TFAP2D: variants seen among roughly 807,000 people sequenced by gnomAD.
The protein encoded by TFAP2D is transcription factor AP-2 delta.
TFAP2D carries 9 observed loss-of-function variants against 43.6 expected under a neutral mutation model. The observed-to-expected ratio is 0.21, with a 90% CI of 0.12 to 0.36. The LOEUF (loss-of-function observed/expected upper bound fraction) is 0.36, where lower values mean the gene tolerates loss of function less well. TFAP2D is among the 10% of genes least tolerant of loss of function. The pLI is 1.00. For synonymous variants in TFAP2D, 256 were observed against 224.9 expected (o/e 1.14, Z -1.24); for missense variants, 513 against 561.4 (o/e 0.91, Z 0.87).
At chr6:50,757,952 G>A (rs115705696) in intron 7 of TFAP2D, among the ~76,000 whole-genome samples, 5 of 149,192 alleles carry the variant, frequency 3.4e-5, no homozygotes, top group African/African-American at 4.9e-5. Flanking sequence ...AGTACATAGC[G>A]AATAGTATGT....
At chr6:50,741,767 G>GAAA (rs112907842) in intron 5 of TFAP2D, among the ~76,000 whole-genome samples, 1 of 132,712 alleles carries the variant, frequency 7.5e-6, no homozygotes, top group African/African-American at 2.8e-5. Flanking sequence ...AAGTAGCTCT[G>GAAA]AAAAAAAAAA....
At position 50,745,070 on chromosome 6, in the gene TFAP2D, T is replaced by C. The variant is rs758978505; in HGVS notation, c.884-37T>C. On this transcript the variant is annotated intron_variant, in intron 5 of 7. Transcript: ENST00000008391. ...AGACACTACTGTTATTAAGGTTGGA[T>C]ACTGGTGAGAAACTCACTTGTGTTA... 4.3e-6 allele frequency: 7 copies of C among 1,610,788 alleles called. No homozygotes were observed. The East Asian group carries it at 1.3e-4, about 31-fold the overall frequency.
At chr6:50,748,831 G>C (rs1769160709) in intron 6 of TFAP2D, among the ~76,000 whole-genome samples, 1 of 151,770 alleles carries the variant, frequency 6.6e-6, no homozygotes, top group South Asian at 2.1e-4. Context: ...TCATCTAAGG[G>C]TGAAACATAG....
At chr6:50,726,453 T>A (rs1049275047) in intron 3 of TFAP2D, among the ~76,000 whole-genome samples, 6 of 152,230 alleles carry the variant, frequency 3.9e-5, no homozygotes, top group African/African-American at 1.4e-4. Context: ...AGATTCCTTG[T>A]GTCCTCATTT....
chr6:50,754,100 C>A (rs1769233937), intron 7 of TFAP2D, among the ~76,000 whole-genome samples: 1 of 151,800 alleles, frequency 6.6e-6, no homozygotes, highest in Non-Finnish European at 1.5e-5. Context: ...TGTAAAACTG[C>A]CTCTGTACCC....
chr6:50,729,462 G>A (rs1183516361), intron 5 of TFAP2D, 150 bp downstream of exon 5: 1 of 609,762 alleles, frequency 1.6e-6, no homozygotes, highest in Non-Finnish European at 2.9e-6. Context: ...TCTTGACAAT[G>A]ATGATTAAAT....
At chr6:50,746,291 C>T (rs992153481) in intron 6 of TFAP2D, among the ~76,000 whole-genome samples, 1 of 151,986 alleles carries the variant, frequency 6.6e-6, no homozygotes. Flanking sequence ...GACTGGAGTA[C>T]AGTGGTGCGA....
chr6:50,728,866 T>C lies in TFAP2D; in HGVS notation c.609T>C (p.Cys203=). The C allele has an allele frequency of 6.2e-7, 1 of 1,613,952 alleles. No individual in the cohort carries two copies. The highest frequency in any genetic ancestry group is 1.3e-5 in the African/African-American group (1 of 75,040). ...TTTTTTTCTCCCAAGGTGGCACCTG[T>C]GTGGTCAACCCCACAGACTTATTTT... ...QGGVIRRGGT[C]VVNPTDLFCS... Residue 203 remains cysteine (C), a synonymous_variant, in exon 4 of 8, where the codon TGT becomes TGC. Transcript: ENST00000008391.
At chr6:50,740,789 T>G (rs1769033035) in intron 5 of TFAP2D, among the ~76,000 whole-genome samples, 1 of 152,196 alleles carries the variant, frequency 6.6e-6, no homozygotes, top group South Asian at 2.1e-4. Context: ...GTCAGGTATA[T>G]TTATTTTTAT....
chr6:50,765,027 C>A (rs2113893990), intron 7 of TFAP2D, among the ~76,000 whole-genome samples: 2 of 152,172 alleles, frequency 1.3e-5, no homozygotes, highest in East Asian at 3.9e-4. Flanking sequence ...TACAGTAGAT[C>A]CCCAGAACTT....
chr6:50,722,736 C>CTGGG (rs1768747897), intron 3 of TFAP2D, among the ~76,000 whole-genome samples: 1 of 151,800 alleles, frequency 6.6e-6, no homozygotes, highest in Non-Finnish European at 1.5e-5. Context: ...GATGAGAAGA[C>CTGGG]CTAGCTTTTC....
At chr6:50,714,874 G>C (rs972401111) in intron 1 of TFAP2D, among the ~76,000 whole-genome samples, 1 of 152,030 alleles carries the variant, frequency 6.6e-6, no homozygotes, top group Admixed American at 6.5e-5. Context: ...CCTATATAGG[G>C]TGGGGGATTT....
At chr6:50,721,344 C>T (rs1255179526) in intron 3 of TFAP2D, among the ~76,000 whole-genome samples, 1 of 152,194 alleles carries the variant, frequency 6.6e-6, no homozygotes, top group Non-Finnish European at 1.5e-5. Flanking sequence ...TGAGTTTATT[C>T]CATTTCCACG....
chr6:50,718,971 T>A (rs1481657848), intron 2 of TFAP2D, 119 bp from the exon 3 acceptor site: 6 of 973,436 alleles, frequency 6.2e-6, no homozygotes, highest in Non-Finnish European at 9.1e-6. Context: ...GCTCAATGCT[T>A]GCTTTCAAAT....
chr6:50,726,312 T>G (rs1271977778), intron 3 of TFAP2D, among the ~76,000 whole-genome samples: 1 of 152,194 alleles, frequency 6.6e-6, no homozygotes, highest in Non-Finnish European at 1.5e-5. Context: ...CACTGAAGAT[T>G]AGTAAAGATA....
chr6:50,763,884 G>A (rs1769403550), intron 7 of TFAP2D, among the ~76,000 whole-genome samples: 1 of 152,106 alleles, frequency 6.6e-6, no homozygotes, highest in Non-Finnish European at 1.5e-5. Context: ...AAACACACGA[G>A]AAGCTTTTTG....
chr6:50,713,806 C>G lies in TFAP2D; in HGVS notation c.-250C>G, dbSNP rs1435857082. 3.5e-6 allele frequency: 2 copies of G among 578,996 alleles called. No individual in the cohort carries two copies. Among genetic ancestry groups the G allele is most frequent in the African/African-American group, 3.8e-5 (2 of 52,676 alleles). 35.9% of individuals were successfully genotyped at this position (578,996 alleles called of 1,614,324 possible). On this transcript the variant is annotated 5_prime_UTR_variant, in exon 1 of 8. Transcript: ENST00000008391. Reference sequence around the variant, plus strand: ...CTACGACATCAGCCAAAGAAATACTCAGCAAGTACAAAATCTGTTCCAGGG... The same window carrying G: ...CTACGACATCAGCCAAAGAAATACTGAGCAAGTACAAAATCTGTTCCAGGG...
At chr6:50,729,925 C>CT (rs974561731) in intron 5 of TFAP2D, among the ~76,000 whole-genome samples, 5 of 152,012 alleles carry the variant, frequency 3.3e-5, no homozygotes, top group Admixed American at 3.3e-4. Flanking sequence ...TACCTCTTTC[C>CT]TTTTTTTCTC....
At chr6:50,764,060 C>A (rs1263305699) in intron 7 of TFAP2D, among the ~76,000 whole-genome samples, 1 of 152,042 alleles carries the variant, frequency 6.6e-6, no homozygotes, top group Non-Finnish European at 1.5e-5. Context: ...AATTTAATAA[C>A]CCAGAGTTTC....
Sources: allele counts gnomAD v4.1 joint callset (sites outside exome capture counted in the v4.1 genomes callset), GRCh38; gene constraint gnomAD v4.1.1; transcripts MANE v1.5; gene names NCBI Gene and HGNC (gene_info 2026-07-23, HGNC 2026-07-21).